The following ACACA variants were observed in gnomAD, a reference collection of about 807,000 sequenced individuals.
ACACA encodes acetyl-CoA carboxylase 1.
Under a neutral mutation model 296.1 loss-of-function variants are expected in ACACA, and 103 were observed. The observed-to-expected ratio is 0.35, with a 90% CI of 0.30 to 0.41. ACACA has a LOEUF of 0.41. Among genes scored for constraint, ACACA ranks in the 10% least tolerant of loss-of-function variants. ACACA has a pLI of 1.00. For synonymous variants in ACACA, 953 were observed against 1,038.6 expected (o/e 0.92, Z 1.58); for missense variants, 1,554 against 2,989.7 (o/e 0.52, Z 11.20).
At chr17:37,334,042 T>C (rs999847696) in intron 2 of ACACA, among the ~76,000 whole-genome samples, 2 of 151,698 alleles carry the variant, frequency 1.3e-5, no homozygotes, top group Admixed American at 6.6e-5. Flanking sequence ...AGGTGTTAGG[T>C]ATACAATATC....
intron 39 of ACACA, among the ~76,000 whole-genome samples, chr17:37,184,968 A>G (rs917263151): frequency 6.6e-6 from 1 of 152,230 alleles, no homozygotes; most frequent in Non-Finnish European, 1.5e-5. Flanking sequence ...AATAAGCTAG[A>G]CACAAAATAG....
At chr17:37,261,873 T>A (rs1446798981) in intron 11 of ACACA, among the ~76,000 whole-genome samples, 1 of 152,196 alleles carries the variant, frequency 6.6e-6, no homozygotes, top group African/African-American at 2.4e-5. Context: ...ATTCCATCAT[T>A]GTATATGGGT....
chr17:37,285,227 G>T (rs1157752038), intron 3 of ACACA, among the ~76,000 whole-genome samples: 1 of 152,136 alleles, frequency 6.6e-6, no homozygotes, highest in South Asian at 2.1e-4. Context: ...ATAGGCAAAG[G>T]ATAAATGGTA....
intron 16 of ACACA, among the ~76,000 whole-genome samples, chr17:37,251,164 A>G (rs1454003709): frequency 4.6e-5 from 7 of 152,252 alleles, no homozygotes; most frequent in African/African-American, 9.6e-5. Context: ...TAGGTTACAG[A>G]TTATATGTTG....
At chr17:37,256,104 A>G (rs146193031) in intron 14 of ACACA, among the ~76,000 whole-genome samples, 2 of 152,230 alleles carry the variant, frequency 1.3e-5, no homozygotes, top group East Asian at 3.9e-4. Flanking sequence ...TTATAGTCCT[A>G]CTTTTAAGAG....
chr17:37,397,136 T>C (rs887305331), intron 1 of ACACA, among the ~76,000 whole-genome samples: 26 of 151,410 alleles, frequency 1.7e-4, no homozygotes, highest in Non-Finnish European at 3.7e-4. Flanking sequence ...GAACATGCGA[T>C]GTTTGGTTTT....
chr17:37,107,055 A>G (rs187667316), intron 52 of ACACA, among the ~76,000 whole-genome samples: 2 of 152,328 alleles, frequency 1.3e-5, no homozygotes, highest in East Asian at 3.9e-4. Flanking sequence ...GCAAGATCCC[A>G]TATCTACCTT....
intron 1 of ACACA, among the ~76,000 whole-genome samples, chr17:37,342,429 AAAAAAAAATATAT>A (rs2048417058): frequency 8.0e-6 from 1 of 124,808 alleles, no homozygotes; most frequent in Non-Finnish European, 1.6e-5. Context: ...AAAAAAAAAA[AAAAAAAAATATAT>A]ATATATATAT....
At chr17:37,379,320 C>T (rs774830605) in intron 1 of ACACA, 3 of 1,613,812 alleles carry the variant, frequency 1.9e-6, no homozygotes, top group African/African-American at 2.7e-5. Context: ...AGCTCTGCCT[C>T]CTCAAGCTGT....
chr17:37,402,713 C>G (rs1157775858), intron 1 of ACACA, among the ~76,000 whole-genome samples: 1 of 151,916 alleles, frequency 6.6e-6, no homozygotes, highest in African/African-American at 2.4e-5. Flanking sequence ...CGCTCTGTTG[C>G]CCAGGCTGGA....
chr17:37,151,185 A>G, intron 44 of ACACA, 116 bp downstream of exon 44: 2 of 1,141,472 alleles, frequency 1.8e-6, no homozygotes. Context: ...ATAATTATAG[A>G]CATACAATCT....
intron 3 of ACACA, among the ~76,000 whole-genome samples, chr17:37,318,448 C>A (rs1283378159): frequency 1.3e-5 from 2 of 152,172 alleles, no homozygotes; most frequent in African/African-American, 4.8e-5. Context: ...GCCATGTTGG[C>A]CAGGCTGGTT....
chr17:37,406,765 A>G lies in ACACA; in HGVS notation c.-466T>C, dbSNP rs1250600451. On this transcript the variant is annotated 5_prime_UTR_variant, in exon 1 of 56. Transcript: ENST00000616317. ...CAGCAGGCGCGCGGCGGGGACCGGG[A>G]AAAGGCCAAGAGGGCGGTGGCGGGC... 1 of 161,378 alleles carries G rather than the reference A, an allele frequency of 6.2e-6. No individual in the cohort carries two copies. The highest frequency in any genetic ancestry group is 1.3e-5 in the Non-Finnish European group (1 of 74,400). The allele number at this position is 161,378 out of a possible 1,614,324, so 10.0% of individuals were successfully genotyped here. A position where few individuals can be genotyped will look rare whatever the true frequency, so the allele number is the denominator to read the frequency against.
chr17:37,266,363 G>A (rs896994092), intron 10 of ACACA, among the ~76,000 whole-genome samples: 14 of 150,954 alleles, frequency 9.3e-5, no homozygotes, highest in Admixed American at 6.6e-5. Context: ...GCAGTGAGCC[G>A]AGATCGCGCC....
At chr17:37,122,436 A>C in intron 49 of ACACA, 95 bp downstream of exon 49, 2 of 1,036,900 alleles carry the variant, frequency 1.9e-6, no homozygotes, top group South Asian at 1.3e-5. Flanking sequence ...CTTCCCTCTA[A>C]AACTGATGGT....
intron 3 of ACACA, among the ~76,000 whole-genome samples, chr17:37,292,826 T>C (rs1443901401): frequency 6.6e-6 from 1 of 152,180 alleles, no homozygotes; most frequent in Non-Finnish European, 1.5e-5. Flanking sequence ...AGCGCACCAC[T>C]GCACTCCAGC....
intron 36 of ACACA, 49 bp downstream of exon 36, chr17:37,193,325 T>C (rs1384825098): frequency 7.0e-7 from 1 of 1,433,942 alleles, no homozygotes; most frequent in Non-Finnish European, 9.8e-7. Flanking sequence ...CTTGGGCTTT[T>C]AAGAAAAAGT....
intron 5 of ACACA, among the ~76,000 whole-genome samples, chr17:37,280,759 A>C (rs919193823): frequency 2.0e-5 from 3 of 151,554 alleles, no homozygotes; most frequent in Non-Finnish European, 4.4e-5. Context: ...ACACACACAC[A>C]CACCCCAAAA....
intron 1 of ACACA, among the ~76,000 whole-genome samples, chr17:37,361,731 C>T (rs894959497): frequency 6.6e-6 from 1 of 152,202 alleles, no homozygotes. Context: ...CTGCCCATCC[C>T]TACTGTAGGT....
Sources: gnomAD v4.1 joint callset for allele counts (sites outside exome capture counted in the v4.1 genomes callset) on GRCh38, gnomAD v4.1.1 for gene constraint, MANE v1.5 for transcripts, NCBI Gene and HGNC (gene_info 2026-07-23, HGNC 2026-07-21) for gene names.